The following MYT1L variants were observed in gnomAD, a reference collection of about 807,000 sequenced individuals.
MYT1L encodes the protein myelin transcription factor 1-like protein.
MYT1L carries 12 observed loss-of-function variants against 126.7 expected under a neutral mutation model. That is an observed-to-expected ratio of 0.09 (90% CI 0.06 to 0.15). The LOEUF (loss-of-function observed/expected upper bound fraction) is 0.15, where lower values mean the gene tolerates loss of function less well. Ranked by LOEUF, MYT1L falls within the 10% of genes least tolerant of loss-of-function variation. The pLI is 1.00. For missense variants in MYT1L, 979 were observed against 1,585.2 expected (o/e 0.62, Z 6.49); for synonymous variants, 541 against 604.2 (o/e 0.90, Z 1.53).
At chr2:2,265,419 G>A (rs1336510223) in intron 2 of MYT1L, among the ~76,000 whole-genome samples, 2 of 151,984 alleles carry the variant, frequency 1.3e-5, no homozygotes, top group South Asian at 2.1e-4. Context: ...CATAGCCTGT[G>A]TGGCATATTT....
At chr2:2,302,890 C>T (rs2095804860) in intron 1 of MYT1L, among the ~76,000 whole-genome samples, 1 of 152,066 alleles carries the variant, frequency 6.6e-6, no homozygotes, top group Non-Finnish European at 1.5e-5. Context: ...GCACTTTTGG[C>T]TTTTAGTACT....
In MYT1L at chr2:2,186,075, T is replaced by G. The variant is rs1269034274; in HGVS notation, c.-420-13087A>C. Among the ~76,000 whole-genome samples, 5 of 130,246 alleles carry G rather than the reference T, an allele frequency of 3.8e-5. 1 individual carries two copies. The highest frequency in any genetic ancestry group is 7.9e-5 in the Non-Finnish European group (5 of 63,008). The allele number at this position is 130,246 out of a possible 152,430, so 85.4% of individuals were successfully genotyped here. A position where few individuals can be genotyped will look rare whatever the true frequency, so the allele number is the denominator to read the frequency against. On this transcript the variant is annotated intron_variant, in intron 2 of 24. Transcript: ENST00000647738. ...GGGCCTCCCAGACGCCCGCGTTCCT[T>G]CCGTGAGGGGGACGCAGCCAGGCCT...
intron 2 of MYT1L, among the ~76,000 whole-genome samples, chr2:2,212,373 G>A (rs2093552665): frequency 6.6e-6 from 1 of 152,024 alleles, no homozygotes; most frequent in Admixed American, 6.6e-5. Flanking sequence ...GTAAATCCCA[G>A]TGCTTTTAAA....
intron 1 of MYT1L, chr2:2,326,669 A>T (rs1026280178): frequency 1.7e-4 from 26 of 152,186 alleles, no homozygotes; most frequent in African/African-American, 6.0e-4. Context: ...AGCAATGCTT[A>T]TCACTCTTTC....
At chr2:2,085,706 T>C (rs571410259) in intron 3 of MYT1L, among the ~76,000 whole-genome samples, 13 of 152,192 alleles carry the variant, frequency 8.5e-5, no homozygotes, top group African/African-American at 3.1e-4. Context: ...GTTGGCAAAA[T>C]TGAATTTGAT....
intron 2 of MYT1L, among the ~76,000 whole-genome samples, chr2:2,276,750 T>C (rs1025772758): frequency 1.3e-5 from 2 of 152,042 alleles, no homozygotes; most frequent in African/African-American, 4.8e-5. Flanking sequence ...TACAAGACTG[T>C]CCTCTCCATT....
intron 4 of MYT1L, among the ~76,000 whole-genome samples, chr2:2,007,950 T>C (rs1395465790): frequency 1.3e-5 from 2 of 152,208 alleles, no homozygotes; most frequent in African/African-American, 4.8e-5. Flanking sequence ...TGAATTCTGC[T>C]AAGGTGTGGA....
At chr2:1,818,731 T>C (rs1415467402) in intron 21 of MYT1L, among the ~76,000 whole-genome samples, 1 of 152,142 alleles carries the variant, frequency 6.6e-6, no homozygotes, top group African/African-American at 2.4e-5. Flanking sequence ...CACGTGACAT[T>C]TCTGCCTCTG....
intron 3 of MYT1L, among the ~76,000 whole-genome samples, chr2:2,060,630 T>C (rs1371727286): frequency 6.6e-6 from 1 of 151,914 alleles, no homozygotes; most frequent in Non-Finnish European, 1.5e-5. Context: ...TCACTTTTTC[T>C]CTCCTTTCTT....
intron 3 of MYT1L, among the ~76,000 whole-genome samples, chr2:2,163,419 T>C (rs2088372899): frequency 6.6e-6 from 1 of 152,074 alleles, no homozygotes; most frequent in African/African-American, 2.4e-5. Context: ...CTGACAGTAG[T>C]TGCAATTAAG....
intron 3 of MYT1L, among the ~76,000 whole-genome samples, chr2:2,153,694 C>T (rs1240587773): frequency 6.6e-6 from 1 of 152,130 alleles, no homozygotes; most frequent in East Asian, 1.9e-4. Flanking sequence ...CTAGTGAGTT[C>T]AGTTTATACT....
At chr2:2,054,166 C>G (rs568042082) in intron 3 of MYT1L, 43 bp from the exon 4 acceptor site, 1 of 152,786 alleles carries the variant, frequency 6.5e-6, no homozygotes, top group East Asian at 1.9e-4. Flanking sequence ...CTGATATTCA[C>G]AGTAAAAGCA....
At chr2:2,169,686 GA>G (rs894308335) in intron 3 of MYT1L, among the ~76,000 whole-genome samples, 21 of 152,064 alleles carry the variant, frequency 1.4e-4, no homozygotes, top group African/African-American at 4.8e-4. Context: ...GAGGATGTGG[GA>G]AAACAGGCCG....
At chr2:2,084,006 T>C (rs1377099218) in intron 3 of MYT1L, among the ~76,000 whole-genome samples, 1 of 151,170 alleles carries the variant, frequency 6.6e-6, no homozygotes, top group Non-Finnish European at 1.5e-5. Flanking sequence ...TGCTGATGCC[T>C]TCCTATATTC....
chr2:1,875,367 C>A (rs2046779884), intron 18 of MYT1L, among the ~76,000 whole-genome samples: 1 of 152,180 alleles, frequency 6.6e-6, no homozygotes, highest in Admixed American at 6.5e-5. Flanking sequence ...GCCTGCCTTG[C>A]CAAGGGCCAA....
At chr2:2,154,284 G>C (rs1225710641) in intron 3 of MYT1L, among the ~76,000 whole-genome samples, 1 of 152,146 alleles carries the variant, frequency 6.6e-6, no homozygotes, top group Non-Finnish European at 1.5e-5. Context: ...TTACCTGAAT[G>C]ATACCTAGGT....
chr2:2,022,651 C>T (rs943430343), intron 4 of MYT1L, among the ~76,000 whole-genome samples: 1 of 151,850 alleles, frequency 6.6e-6, no homozygotes, highest in Non-Finnish European at 1.5e-5. Context: ...GTGTACTTTC[C>T]TTTCTTTCGT....
chr2:2,261,142 C>CGT (rs10604026), intron 2 of MYT1L, among the ~76,000 whole-genome samples: 22,388 of 149,084 alleles, frequency 0.15, 1,675 homozygotes, highest in Middle Eastern at 0.17. Flanking sequence ...TGTGTGAGTG[C>CGT]GTGTGTGTGT....
intron 9 of MYT1L, among the ~76,000 whole-genome samples, chr2:1,937,900 C>T (rs755778690): frequency 2.0e-5 from 3 of 152,134 alleles, no homozygotes; most frequent in African/African-American, 4.8e-5. Flanking sequence ...ATCTGGAGAA[C>T]GCGATACAGG....
Sources: allele counts gnomAD v4.1 joint callset (sites outside exome capture counted in the v4.1 genomes callset), GRCh38; gene constraint gnomAD v4.1.1; transcripts MANE v1.5; gene names NCBI Gene and HGNC (gene_info 2026-07-23, HGNC 2026-07-21).